The following ATP10B variants were observed in gnomAD, a reference collection of about 807,000 sequenced individuals.
The protein encoded by ATP10B is ATPase phospholipid transporting 10B (putative).
In ATP10B, 122 loss-of-function variants were observed where a neutral mutation model predicts 141.2. That is an observed-to-expected ratio of 0.86 (90% CI 0.75 to 1.00). The LOEUF is 1.00. ATP10B is among the 50% of genes least tolerant of loss of function. ATP10B has a pLI of 0.00. For missense variants in ATP10B, 1,876 were observed against 1,825.3 expected (o/e 1.03, Z -0.51); for synonymous variants, 685 against 692.0 (o/e 0.99, Z 0.16).
chr5:160,659,437 C>T (rs1475965320), intron 7 of ATP10B, among the ~76,000 whole-genome samples: 2 of 152,046 alleles, frequency 1.3e-5, no homozygotes, highest in Non-Finnish European at 2.9e-5. Flanking sequence ...TGCACTCCAG[C>T]CCAGGCAACA....
intron 14 of ATP10B, 41 bp from the exon 15 acceptor site, chr5:160,620,991 T>C: frequency 1.3e-6 from 2 of 1,563,262 alleles, no homozygotes; most frequent in Non-Finnish European, 1.7e-6. Flanking sequence ...ACTCTCAATG[T>C]TGGAAATAAT....
intron 2 of ATP10B, among the ~76,000 whole-genome samples, chr5:160,778,775 G>GGA (rs1167623881): frequency 6.6e-6 from 1 of 152,128 alleles, no homozygotes; most frequent in Non-Finnish European, 1.5e-5. Context: ...AAAATATTTA[G>GGA]GAGACCACTT....
Position 160,610,757 on chromosome 5 carries a change from T to A in ATP10B, c.2838+1984A>T, listed in dbSNP as rs1561651284. Among the ~76,000 whole-genome samples the A allele has an allele frequency of 1.3e-5, 2 of 152,234 alleles. 1 individual carries two copies. The highest frequency in any genetic ancestry group is 1.3e-4 in the Admixed American group (2 of 15,288). On this transcript the variant is annotated intron_variant, in intron 18 of 25. Transcript: ENST00000327245. ...TTGTTAATTATTAACAATATTGCAA[T>A]AGCAATAATAGTGGTTTTAGTATTA...
chr5:160,726,721 T>C (rs929107943), intron 2 of ATP10B, among the ~76,000 whole-genome samples: 10 of 148,332 alleles, frequency 6.7e-5, no homozygotes, highest in African/African-American at 1.3e-4. Context: ...AGGCTGCAAG[T>C]GTGAGCTCTC....
intron 6 of ATP10B, among the ~76,000 whole-genome samples, chr5:160,671,221 G>A (rs936167632): frequency 7.2e-6 from 1 of 139,400 alleles, no homozygotes; most frequent in Non-Finnish European, 1.5e-5. Context: ...CTGTTCTTAT[G>A]AACATTTAGA....
intron 17 of ATP10B, chr5:160,613,991 A>G (rs1273107597): frequency 6.6e-6 from 1 of 151,588 alleles, no homozygotes; most frequent in Admixed American, 6.6e-5. Context: ...AGATTATTTC[A>G]TATTTTGAGA....
chr5:160,666,842 T>C (rs1762347554), intron 7 of ATP10B, among the ~76,000 whole-genome samples: 1 of 152,158 alleles, frequency 6.6e-6, no homozygotes, highest in South Asian at 2.1e-4. Context: ...CAACAATAAA[T>C]GTGTGCTTTC....
intron 1 of ATP10B, among the ~76,000 whole-genome samples, chr5:160,817,747 T>A (rs1773762165): frequency 6.6e-6 from 1 of 152,174 alleles, no homozygotes; most frequent in Non-Finnish European, 1.5e-5. Context: ...GACTTTAAAC[T>A]ATACTGCAAG....
intron 1 of ATP10B, among the ~76,000 whole-genome samples, chr5:160,822,134 G>C (rs1774156816): frequency 6.6e-6 from 1 of 151,906 alleles, no homozygotes; most frequent in Admixed American, 6.6e-5. Flanking sequence ...TTAATAACCA[G>C]AATATATAAG....
At chr5:160,669,913 T>C (rs1260343151) in intron 7 of ATP10B, among the ~76,000 whole-genome samples, 2 of 4,428 alleles carry the variant, frequency 4.5e-4, no homozygotes, top group African/African-American at 3.9e-3. Context: ...GGAGACCCAG[T>C]CTCTTAAAAA....
Position 160,743,510 on chromosome 5 carries a change from G to A in ATP10B, c.-330-26476C>T, listed in dbSNP as rs140729150. 5.3e-3 allele frequency among the ~76,000 whole-genome samples: 805 copies of A among 152,228 alleles called. 7 individuals are homozygous for A. The highest frequency in any genetic ancestry group is 0.019 in the African/African-American group (773 of 41,524). ...GAAAGAAGGGAGTTGGAGGCAATAG[G>A]AGACTGTTAGAGAGGTCAATCAATG... On this transcript the variant is annotated intron_variant, in intron 2 of 25. Transcript: ENST00000327245.
chr5:160,687,825 G>C lies in ATP10B; in HGVS notation c.250C>G (p.Arg84Gly). ...CTATGAAATTGCTCAAAGAGATTCC[G>C]GGGCAGGAAGGTGAAGAGGGTGTAT... is the stretch of plus-strand genomic sequence containing the variant. ...TKYTLFTFLP[R>G]NLFEQFHRWA... is the part of the protein sequence containing the mutation. Residue 84 changes from arginine to glycine, a missense_variant, in exon 5 of 26, where the codon CGG becomes GGG. Arg to Gly is a moderately radical substitution (Grantham distance 125). Transcript: ENST00000327245. 1 of 1,613,998 alleles carries C rather than the reference G, an allele frequency of 6.2e-7. No individual in the cohort carries two copies. The highest frequency in any genetic ancestry group is 8.5e-7 in the Non-Finnish European group (1 of 1,179,950).
intron 1 of ATP10B, among the ~76,000 whole-genome samples, chr5:160,837,410 G>T (rs776607522): frequency 6.6e-6 from 1 of 152,098 alleles, no homozygotes; most frequent in Non-Finnish European, 1.5e-5. Context: ...ACAGGACCTT[G>T]TTAAATATTT....
At chr5:160,726,101 G>A (rs1189824679) in intron 2 of ATP10B, among the ~76,000 whole-genome samples, 1 of 152,080 alleles carries the variant, frequency 6.6e-6, no homozygotes, top group Admixed American at 6.6e-5. Context: ...ACTGAGAGAC[G>A]CGCGAGCCTA....
At chr5:160,813,211 G>C (rs1178674143) in intron 1 of ATP10B, among the ~76,000 whole-genome samples, 1 of 152,176 alleles carries the variant, frequency 6.6e-6, no homozygotes, top group Non-Finnish European at 1.5e-5. Flanking sequence ...AAGCACAAGG[G>C]GTCAGGGAAT....
intron 22 of ATP10B, among the ~76,000 whole-genome samples, chr5:160,598,047 C>G (rs545046516): frequency 9.9e-6 from 1 of 100,586 alleles, no homozygotes; most frequent in Non-Finnish European, 2.3e-5. Context: ...GGTATATACC[C>G]AAAAGACTAT....
intron 1 of ATP10B, among the ~76,000 whole-genome samples, chr5:160,828,181 A>C (rs1182422455): frequency 6.6e-6 from 1 of 152,138 alleles, no homozygotes; most frequent in Non-Finnish European, 1.5e-5. Flanking sequence ...CACCAAAAGC[A>C]ATGGCAACAG....
At chr5:160,777,092 C>A (rs1442748626) in intron 2 of ATP10B, among the ~76,000 whole-genome samples, 2 of 152,174 alleles carry the variant, frequency 1.3e-5, no homozygotes, top group Non-Finnish European at 2.9e-5. Context: ...GGGATAGGAT[C>A]TTTGAGGTCA....
rs537178682 is a variant in ATP10B, at chr5:160,760,576, A to C, written c.-331+24983T>G. 7.6e-4 allele frequency among the ~76,000 whole-genome samples: 116 copies of C among 152,354 alleles called. 1 individual carries two copies. The highest frequency in any genetic ancestry group is 2.8e-3 in the African/African-American group (115 of 41,584). ...GGTCATTAAAAGAAAAACAAAATAA[A>C]AAATAAAACCAATCAACTACTTTCA... On this transcript the variant is annotated intron_variant, in intron 2 of 25. Transcript: ENST00000327245.
Sources: gnomAD v4.1 joint callset for allele counts (sites outside exome capture counted in the v4.1 genomes callset) on GRCh38, gnomAD v4.1.1 for gene constraint, MANE v1.5 for transcripts, NCBI Gene and HGNC (gene_info 2026-07-23, HGNC 2026-07-21) for gene names.